ITPR1: variants seen among roughly 807,000 people sequenced by gnomAD.
ITPR1 encodes inositol 1,4,5-trisphosphate-gated calcium channel ITPR1.
Under a neutral mutation model 318.4 loss-of-function variants are expected in ITPR1, and 96 were observed. The observed-to-expected ratio is 0.30, with a 90% CI of 0.26 to 0.36. ITPR1 has a LOEUF of 0.36. Ranked by LOEUF, ITPR1 falls within the 10% of genes least tolerant of loss-of-function variation. The probability of loss-of-function intolerance (pLI) is 1.00; values close to 1 mark genes in which losing one functional copy is unlikely to be tolerated. For synonymous variants in ITPR1, 1,312 were observed against 1,289.9 expected (o/e 1.02, Z -0.37); for missense variants, 2,440 against 3,460.2 (o/e 0.71, Z 7.40).
At chr3:4,743,236 C>G (rs1275808265) in intron 44 of ITPR1, among the ~76,000 whole-genome samples, 1 of 152,228 alleles carries the variant, frequency 6.6e-6, no homozygotes, top group Non-Finnish European at 1.5e-5. Context: ...CCCTTCTTCA[C>G]CATTCCCAGG....
At chr3:4,782,433 T>G in intron 49 of ITPR1, 186 bp from the exon 50 acceptor site, 5 of 462,112 alleles carry the variant, frequency 1.1e-5, no homozygotes, top group Non-Finnish European at 1.5e-5. Flanking sequence ...ACAGGAGAGG[T>G]GGATTGGTAT....
At chr3:4,503,891 C>T (rs1157747203) in intron 2 of ITPR1, among the ~76,000 whole-genome samples, 1 of 152,042 alleles carries the variant, frequency 6.6e-6, no homozygotes, top group African/African-American at 2.4e-5. Flanking sequence ...GGACTGACTT[C>T]AACTTTTTAA....
At chr3:4,669,897 ATCT>A (rs763652553) in intron 19 of ITPR1, 124 bp downstream of exon 19, 567 of 1,008,756 alleles carry the variant, frequency 5.6e-4, no homozygotes, top group Admixed American at 1.0e-3. Context: ...CTGGCATTTG[ATCT>A]TCTTATTGGA....
rs575058785 is a variant in ITPR1 at position 4,783,683 on chromosome 3, C to T, written c.6511-133C>T. 1.8e-5 allele frequency: 13 copies of T among 733,776 alleles called. No homozygotes were observed. The Admixed American group carries it at 2.1e-4, about 12-fold the overall frequency. 45.5% of individuals were successfully genotyped at this position (733,776 alleles called of 1,614,324 possible). On this transcript the variant is annotated intron_variant, in intron 50 of 61. Coordinates refer to ENST00000649015, the MANE Select transcript of ITPR1 (RefSeq NM_001378452.1). ...GCACGCCGTGATGGGATGGAGCAAG[C>T]CTCGTGGCACCTTTGCCCTTTGGCT...
chr3:4,723,714 G>C (rs751421388), intron 40 of ITPR1, among the ~76,000 whole-genome samples: 4 of 151,508 alleles, frequency 2.6e-5, no homozygotes, highest in African/African-American at 9.7e-5. Flanking sequence ...ATTGGCAAAG[G>C]GGTAAGAGGG....
rs764260001 is a variant in ITPR1, at chr3:4,662,092, C to T, written c.1262C>T (p.Ser421Phe). The change falls in exon 15 of 62, where the codon TCT becomes TTT. Residue 421 changes from serine (S) to phenylalanine (F), a missense_variant. Coordinates refer to ENST00000649015, the MANE Select transcript of ITPR1 (RefSeq NM_001378452.1). ...EKPVMLKIGT[S>F]PVKEDKEAFA... ...CACCTTGAATTTCAGATTGGCACCT[C>T]TCCTGTGAAGGAGGATAAGGAAGCA... The T allele has an allele frequency of 1.9e-6, 3 of 1,613,122 alleles. No individual in the cohort carries two copies. The highest frequency in any genetic ancestry group is 3.3e-5 in the Admixed American group (2 of 59,970).
chr3:4,598,099 T>C (rs571007583), intron 4 of ITPR1, among the ~76,000 whole-genome samples: 1 of 152,360 alleles, frequency 6.6e-6, no homozygotes, highest in African/African-American at 2.4e-5. Flanking sequence ...GCAGGGTCTA[T>C]GGGGCCTTGC....
intron 4 of ITPR1, among the ~76,000 whole-genome samples, chr3:4,602,547 A>G (rs1487724817): frequency 6.8e-6 from 1 of 146,468 alleles, no homozygotes; most frequent in Non-Finnish European, 1.5e-5. Context: ...AAAAAAAAAA[A>G]AACTTGTACA....
At chr3:4,714,210 G>A (rs1020677382) in intron 39 of ITPR1, among the ~76,000 whole-genome samples, 3 of 151,998 alleles carry the variant, frequency 2.0e-5, no homozygotes, top group African/African-American at 4.8e-5. Context: ...GAAATAACCC[G>A]GAGCCAAAGA....
intron 2 of ITPR1, among the ~76,000 whole-genome samples, chr3:4,496,668 TG>T (rs1235189354): frequency 4.6e-5 from 7 of 152,088 alleles, no homozygotes; most frequent in African/African-American, 1.7e-4. Flanking sequence ...ATCAGGGTGT[TG>T]GTATTGCGGG....
chr3:4,716,361 G>T (rs1017046188), intron 39 of ITPR1, among the ~76,000 whole-genome samples: 13 of 152,136 alleles, frequency 8.5e-5, no homozygotes, highest in African/African-American at 3.1e-4. Flanking sequence ...TTTACTGTGG[G>T]TTTTTATTAT....
chr3:4,811,558 C>A, intron 56 of ITPR1, 98 bp downstream of exon 56: 1 of 925,538 alleles, frequency 1.1e-6, no homozygotes, highest in Non-Finnish European at 1.7e-6. Flanking sequence ...GCAGATATCT[C>A]CCCATTGTAT....
intron 44 of ITPR1, among the ~76,000 whole-genome samples, chr3:4,756,797 G>T (rs1404694276): frequency 6.6e-6 from 1 of 152,184 alleles, no homozygotes; most frequent in Admixed American, 6.5e-5. Flanking sequence ...AATTATCACT[G>T]GATGCAAGTT....
chr3:4,732,975 C>T lies in ITPR1; in HGVS notation c.5221-113C>T, dbSNP rs112777249. ...TGCTTCCATGAATAATTTATTCTTT[C>T]GCCAAGTGAAACTGGGCCAATTATA... On this transcript the variant is annotated intron_variant, in intron 42 of 61. Coordinates refer to ENST00000649015, the MANE Select transcript of ITPR1 (RefSeq NM_001378452.1). 0.018 allele frequency: 17,954 copies of T among 1,009,406 alleles called. 369 individuals carry two copies. Among genetic ancestry groups the T allele is most frequent in the South Asian group, 0.071 (5,020 of 71,194 alleles). The allele number at this position is 1,009,406 out of a possible 1,614,324, so 62.5% of individuals were successfully genotyped here. A position where few individuals can be genotyped will look rare whatever the true frequency, so the allele number is the denominator to read the frequency against.
chr3:4,517,609 G>C (rs1266125591), intron 3 of ITPR1, among the ~76,000 whole-genome samples: 1 of 152,226 alleles, frequency 6.6e-6, no homozygotes, highest in Non-Finnish European at 1.5e-5. Context: ...TCCCACTGTA[G>C]AGAGATTTTG....
chr3:4,831,102 CTT>C (rs1304462411), intron 60 of ITPR1: 7 of 443,668 alleles, frequency 1.6e-5, no homozygotes, highest in African/African-American at 6.3e-5. Flanking sequence ...GTCTGTCTGT[CTT>C]TGTCTCTCTC....
At chr3:4,770,531 C>T (rs2046118324) in intron 46 of ITPR1, among the ~76,000 whole-genome samples, 1 of 152,192 alleles carries the variant, frequency 6.6e-6, no homozygotes, top group African/African-American at 2.4e-5. Flanking sequence ...GCTGGACCCA[C>T]AGTACCATGT....
intron 4 of ITPR1, among the ~76,000 whole-genome samples, chr3:4,563,872 CTGAA>C (rs1386657953): frequency 1.3e-5 from 2 of 152,090 alleles, no homozygotes; most frequent in African/African-American, 4.8e-5. Context: ...GCACCACAAG[CTGAA>C]TGGCTTGAAC....
rs1446583683 is a variant in ITPR1, at chr3:4,660,983, G to T, written c.1152-5G>T. The T allele has an allele frequency of 6.6e-7, 1 of 1,512,968 alleles. No homozygotes were observed. The highest frequency in any genetic ancestry group is 1.2e-5 in the South Asian group (1 of 84,336). The allele number at this position is 1,512,968 out of a possible 1,614,324, so 93.7% of individuals were successfully genotyped here. A position where few individuals can be genotyped will look rare whatever the true frequency, so the allele number is the denominator to read the frequency against. On this transcript the variant is annotated splice_polypyrimidine_tract_variant and splice_region_variant and intron_variant, in intron 13 of 61. Coordinates refer to ENST00000649015, the MANE Select transcript of ITPR1 (RefSeq NM_001378452.1). ...TCCCTAAAACCCTCCTTTTTTCCCT[G>T]TTAGGAACTCTTATGTTCGGCTCAG...
Sources: allele counts gnomAD v4.1 joint callset (sites outside exome capture counted in the v4.1 genomes callset), GRCh38; gene constraint gnomAD v4.1.1; transcripts MANE v1.5; gene names NCBI Gene and HGNC (gene_info 2026-07-23, HGNC 2026-07-21).